The following GTF2I variants were observed in gnomAD, a reference collection of about 807,000 sequenced individuals.
GTF2I encodes general transcription factor II-I.
GTF2I carries 12 observed loss-of-function variants against 67.6 expected under a neutral mutation model. The observed-to-expected ratio is 0.18, with a 90% CI of 0.11 to 0.29. The LOEUF (loss-of-function observed/expected upper bound fraction) is 0.29. GTF2I is among the 10% of genes least tolerant of loss of function. The pLI is 1.00. For missense variants in GTF2I, 271 were observed against 580.1 expected, an observed-to-expected ratio of 0.47 and a Z score of 5.47; for synonymous variants, 149 against 197.0, an observed-to-expected ratio of 0.76 and a Z score of 2.04.
chr7:74,752,497 C>CT (rs1234881311), intron 28 of GTF2I, among the ~76,000 whole-genome samples: 3,317 of 138,192 alleles, frequency 0.024, 7 homozygotes, highest in Middle Eastern at 0.056. Context: ...AGGAGGATCG[C>CT]TTGAGGTCAG....
At chr7:74,727,690 T>C (rs1276376512) in intron 12 of GTF2I, 1 of 152,230 alleles carries the variant, frequency 6.6e-6, no homozygotes, top group African/African-American at 2.4e-5. Context: ...ATTTTATAGA[T>C]GATGTTTGAG....
chr7:74,709,790 A>G (rs1791285125), intron 8 of GTF2I, among the ~76,000 whole-genome samples: 1 of 151,376 alleles, frequency 6.6e-6, no homozygotes. Context: ...TTTGTGCCTC[A>G]GCCTCTCGGG....
At chr7:74,693,058 G>A (rs929397233) in intron 3 of GTF2I, among the ~76,000 whole-genome samples, 1 of 151,940 alleles carries the variant, frequency 6.6e-6, no homozygotes, top group Non-Finnish European at 1.5e-5. Context: ...CACTGTGCCC[G>A]ACCGGGCATA....
In GTF2I at chr7:74,661,670, A is replaced by G. The variant is rs1370598918; in HGVS notation, c.-6+3602A>G. ...ACTCCAGCCTGGGCGACAGAGCGAG[A>G]CTGTGTCTCAAAAAAAATAAAAATA... On this transcript the variant is annotated intron_variant, in intron 1 of 34. Transcript: ENST00000573035. Among the ~76,000 whole-genome samples the G allele has an allele frequency of 3.1e-5, 4 of 131,052 alleles. No individual in the cohort carries two copies. In the East Asian group the frequency reaches 9.2e-4, roughly 30 times the overall value. The allele number at this position is 131,052 out of a possible 152,430, so 86.0% of individuals were successfully genotyped here. A position where few individuals can be genotyped will look rare whatever the true frequency, so the allele number is the denominator to read the frequency against.
At chr7:74,672,883 C>CA (rs1805580453) in intron 1 of GTF2I, among the ~76,000 whole-genome samples, 1 of 152,090 alleles carries the variant, frequency 6.6e-6, no homozygotes, top group African/African-American at 2.4e-5. Context: ...TCTTTTGAGA[C>CA]AGAGTCTCAT....
chr7:74,685,061 C>A (rs1554395098), intron 1 of GTF2I, among the ~76,000 whole-genome samples: 1 of 152,178 alleles, frequency 6.6e-6, no homozygotes, highest in East Asian at 1.9e-4. Flanking sequence ...TTTGTAAATA[C>A]AGTAGTGGCC....
intron 1 of GTF2I, among the ~76,000 whole-genome samples, chr7:74,686,453 T>A (rs1787732467): frequency 6.6e-6 from 1 of 152,194 alleles, no homozygotes; most frequent in Non-Finnish European, 1.5e-5. Flanking sequence ...ATAGTGGCAA[T>A]ATGACCTTGA....
chr7:74,706,055 T>A (rs587687204), intron 7 of GTF2I, among the ~76,000 whole-genome samples: 224 of 151,480 alleles, frequency 1.5e-3, no homozygotes, highest in Non-Finnish European at 1.4e-3. Context: ...CGGATTCAAG[T>A]GATTCAGGTG....
intron 11 of GTF2I, among the ~76,000 whole-genome samples, chr7:74,718,350 G>A (rs1168206905): frequency 6.6e-6 from 1 of 152,218 alleles, no homozygotes; most frequent in Non-Finnish European, 1.5e-5. Flanking sequence ...GAACAAATAT[G>A]AATGAACTTT....
At chr7:74,698,746 T>G (rs1349587015) in intron 3 of GTF2I, among the ~76,000 whole-genome samples, 1 of 152,128 alleles carries the variant, frequency 6.6e-6, no homozygotes, top group Non-Finnish European at 1.5e-5. Context: ...ACAAATGACT[T>G]GCTATTTTGT....
chr7:74,657,972 G>C lies in GTF2I; in HGVS notation c.-102G>C, dbSNP rs1177922460. On this transcript the variant is annotated 5_prime_UTR_variant, in exon 1 of 35. Coordinates refer to ENST00000573035, the MANE Select transcript of GTF2I (RefSeq NM_032999.4). The stretch of plus-strand genomic sequence containing the variant: ...GTCCGCTCGCCAGCTCCCCTCAGCC[G>C]AGGCTGCTCCGCGGCGGCCGCAGCC... 6.6e-6 allele frequency: 1 copy of C among 151,828 alleles called. No individual in the cohort carries two copies. The highest frequency in any genetic ancestry group is 2.4e-5 in the African/African-American group (1 of 41,366). 9.4% of individuals were successfully genotyped at this position (151,828 alleles called of 1,614,324 possible). A position where few individuals can be genotyped will look rare whatever the true frequency, so the allele number is the denominator to read the frequency against.
chr7:74,661,490 C>T (rs1554386543), intron 1 of GTF2I, among the ~76,000 whole-genome samples: 2 of 152,042 alleles, frequency 1.3e-5, no homozygotes, highest in Admixed American at 6.6e-5. Flanking sequence ...GACCAGCCTG[C>T]CGACATGGCG....
rs587639120 is a variant in GTF2I at position 74,732,333 on chromosome 7, C to T, written c.1121-146C>T. 8 of 1,180,194 alleles carry T rather than the reference C, an allele frequency of 6.8e-6. No homozygotes were observed. In the African/African-American group the frequency reaches 8.0e-5, roughly 12 times the overall value. The allele number at this position is 1,180,194 out of a possible 1,614,324, so 73.1% of individuals were successfully genotyped here. A position where few individuals can be genotyped will look rare whatever the true frequency, so the allele number is the denominator to read the frequency against. ...AGCTTGCAGTGAACCGAGATCACAC[C>T]ACTGCACTGCAGCCTGGGAGACACA... On this transcript the variant is annotated intron_variant, in intron 14 of 34. Transcript: ENST00000573035.
chr7:74,713,404 C>G (rs1475865971), intron 9 of GTF2I, among the ~76,000 whole-genome samples: 3 of 151,578 alleles, frequency 2.0e-5, no homozygotes, highest in Non-Finnish European at 1.5e-5. Context: ...ATACGTCTAG[C>G]TGATGAATAC....
At chr7:74,666,472 C>G (rs1480559832) in intron 1 of GTF2I, among the ~76,000 whole-genome samples, 2 of 152,092 alleles carry the variant, frequency 1.3e-5, no homozygotes, top group African/African-American at 4.8e-5. Flanking sequence ...ATAGACCCTG[C>G]AAGATTCATT....
At chr7:74,705,797 C>T (rs1329110802) in intron 7 of GTF2I, among the ~76,000 whole-genome samples, 3 of 151,974 alleles carry the variant, frequency 2.0e-5, no homozygotes, top group South Asian at 2.1e-4. Context: ...CTCCTGACCT[C>T]GGGTGATCCA....
At chr7:74,662,204 C>CTTTTTTT (rs59914241) in intron 1 of GTF2I, among the ~76,000 whole-genome samples, 3 of 82,596 alleles carry the variant, frequency 3.6e-5, no homozygotes, top group African/African-American at 5.5e-5. Flanking sequence ...TTTTTTCTTT[C>CTTTTTTT]TTTTTTTTTT....
At chr7:74,732,057 C>T (rs1400129264) in intron 14 of GTF2I, among the ~76,000 whole-genome samples, 30 of 147,402 alleles carry the variant, frequency 2.0e-4, no homozygotes, top group African/African-American at 7.0e-4. Flanking sequence ...TCACGTAATA[C>T]CTGGCATACA....
intron 12 of GTF2I, among the ~76,000 whole-genome samples, chr7:74,724,785 G>A (rs1196426530): frequency 6.6e-6 from 1 of 152,098 alleles, no homozygotes; most frequent in Admixed American, 6.6e-5. Flanking sequence ...GCTGGGCGTG[G>A]TGGTGGGCGC....
Sources: gnomAD v4.1 joint callset for allele counts (sites outside exome capture counted in the v4.1 genomes callset) on GRCh38, gnomAD v4.1.1 for gene constraint, MANE v1.5 for transcripts, NCBI Gene and HGNC (gene_info 2026-07-23, HGNC 2026-07-21) for gene names.